ZBTB16: variants seen among roughly 807,000 people sequenced by gnomAD.
ZBTB16 encodes the protein zinc finger and BTB domain-containing protein 16.
Under a neutral mutation model 56.8 loss-of-function variants are expected in ZBTB16, and 8 were observed. That is an observed-to-expected ratio of 0.14 (90% CI 0.08 to 0.25). The LOEUF is 0.25. ZBTB16 is among the 10% of genes least tolerant of loss of function. The probability of loss-of-function intolerance (pLI) is 1.00; values close to 1 mark genes in which losing one functional copy is unlikely to be tolerated. For missense variants in ZBTB16, 625 were observed against 903.0 expected, an observed-to-expected ratio of 0.69 and a Z score of 3.95; for synonymous variants, 363 against 368.5, an observed-to-expected ratio of 0.98 and a Z score of 0.17.
intron 2 of ZBTB16, among the ~76,000 whole-genome samples, chr11:114,102,775 G>C (rs971848595): frequency 3.9e-5 from 6 of 152,174 alleles, no homozygotes; most frequent in Non-Finnish European, 5.9e-5. Context: ...GGAGAGCCTA[G>C]AGCTATTCCA....
At chr11:114,075,545 C>T (rs985046225) in intron 2 of ZBTB16, among the ~76,000 whole-genome samples, 4 of 151,832 alleles carry the variant, frequency 2.6e-5, no homozygotes, top group African/African-American at 9.7e-5. Context: ...CAACTTCCGC[C>T]TCCTGGGTCC....
intron 3 of ZBTB16, among the ~76,000 whole-genome samples, chr11:114,176,118 TGA>T (rs979771371): frequency 1.3e-5 from 2 of 151,940 alleles, no homozygotes; most frequent in Non-Finnish European, 2.9e-5. Context: ...TAGATGAGGA[TGA>T]GAGGAGACCG....
At chr11:114,176,559 C>T (rs545864541) in intron 3 of ZBTB16, among the ~76,000 whole-genome samples, 11 of 152,240 alleles carry the variant, frequency 7.2e-5, no homozygotes, top group African/African-American at 2.4e-4. Context: ...CTGGCTGAAC[C>T]GGGGAACCCA....
At chr11:114,133,717 G>T (rs1402449595) in intron 2 of ZBTB16, among the ~76,000 whole-genome samples, 1 of 152,112 alleles carries the variant, frequency 6.6e-6, no homozygotes, top group Non-Finnish European at 1.5e-5. Flanking sequence ...GGGTCTCCTG[G>T]CAGGTCAGCA....
intron 4 of ZBTB16, among the ~76,000 whole-genome samples, chr11:114,199,590 G>A (rs900023727): frequency 1.3e-5 from 2 of 152,236 alleles, no homozygotes; most frequent in African/African-American, 4.8e-5. Flanking sequence ...GGAGAACTAG[G>A]TTCTTATCCT....
intron 2 of ZBTB16, among the ~76,000 whole-genome samples, chr11:114,154,041 A>G (rs1420831258): frequency 6.6e-6 from 1 of 152,170 alleles, no homozygotes; most frequent in African/African-American, 2.4e-5. Flanking sequence ...AGCCACTTCC[A>G]CCAACTGCCA....
chr11:114,072,749 T>C (rs912370885), intron 2 of ZBTB16, among the ~76,000 whole-genome samples: 2 of 152,134 alleles, frequency 1.3e-5, no homozygotes, highest in African/African-American at 2.4e-5. Context: ...TAGTGGACTT[T>C]TCTCTAGTAA....
At chr11:114,199,390 G>A (rs759016050) in intron 4 of ZBTB16, among the ~76,000 whole-genome samples, 7 of 152,044 alleles carry the variant, frequency 4.6e-5, no homozygotes, top group East Asian at 1.9e-4. Flanking sequence ...GCTGGGCCCC[G>A]GGACGGGGAT....
chr11:114,208,700 T>G (rs1298094674), intron 4 of ZBTB16, among the ~76,000 whole-genome samples: 1 of 152,196 alleles, frequency 6.6e-6, no homozygotes, highest in Non-Finnish European at 1.5e-5. Context: ...ATCTTGCACC[T>G]ACCTTGCTTT....
intron 2 of ZBTB16, among the ~76,000 whole-genome samples, chr11:114,106,306 G>T (rs536551058): frequency 5.9e-5 from 9 of 152,230 alleles, no homozygotes; most frequent in Non-Finnish European, 7.4e-5. Flanking sequence ...TCTTTTGGGG[G>T]TCACTGTGGC....
intron 2 of ZBTB16, among the ~76,000 whole-genome samples, chr11:114,097,523 G>GA (rs1416576601): frequency 5.3e-5 from 8 of 152,132 alleles, no homozygotes; most frequent in Admixed American, 2.6e-4. Flanking sequence ...TGGCATTTGA[G>GA]AAAAAATTCT....
chr11:114,250,632 C>T lies in ZBTB16; in HGVS notation c.*77C>T. ...GAGTGAGATGAAGGAAGGACTATGA[C>T]AAATAAAAAAGGAAAAGAAAAAAAA... On this transcript the variant is annotated 3_prime_UTR_variant, in exon 7 of 7. Transcript: ENST00000335953. This position sits in a 1 kb window ranked among gnomAD's most constrained non-coding sequence, Gnocchi z 6.0. 1 of 1,311,444 alleles carries T rather than the reference C, an allele frequency of 7.6e-7. No individual in the cohort carries two copies. The highest frequency in any genetic ancestry group is 1.3e-5 in the South Asian group (1 of 78,402). The allele number at this position is 1,311,444 out of a possible 1,614,324, so 81.2% of individuals were successfully genotyped here.
At chr11:114,111,900 C>T (rs1273367031) in intron 2 of ZBTB16, among the ~76,000 whole-genome samples, 1 of 152,154 alleles carries the variant, frequency 6.6e-6, no homozygotes, top group Non-Finnish European at 1.5e-5. Flanking sequence ...CATTCTTCCT[C>T]TTCCCCTTTT....
intron 4 of ZBTB16, among the ~76,000 whole-genome samples, chr11:114,228,900 C>T (rs1310371728): frequency 2.0e-5 from 3 of 152,192 alleles, no homozygotes; most frequent in African/African-American, 7.2e-5. Flanking sequence ...GAATGCAGGC[C>T]TGGCGGGCGC....
At chr11:114,249,237 T>A (rs1944872246) in intron 6 of ZBTB16, among the ~76,000 whole-genome samples, 1 of 151,728 alleles carries the variant, frequency 6.6e-6, no homozygotes, top group Admixed American at 6.6e-5. Flanking sequence ...GGCAGGCAGA[T>A]CACTTGAAGT....
At position 114,153,590 on chromosome 11, in the gene ZBTB16, A is replaced by G. The variant is rs567532129; in HGVS notation, c.1269-2747A>G. Reference sequence around the variant, plus strand: ...AGCAAGTGAGTAAAGGAGGAAACTCAGGCCACTTGGATTAGATTTTAAATG... The same window carrying G: ...AGCAAGTGAGTAAAGGAGGAAACTCGGGCCACTTGGATTAGATTTTAAATG... On this transcript the variant is annotated intron_variant, in intron 2 of 6. Coordinates refer to ENST00000335953, the MANE Select transcript of ZBTB16 (RefSeq NM_006006.6). Among the ~76,000 whole-genome samples, 12 of 152,346 alleles carry G rather than the reference A, an allele frequency of 7.9e-5. No homozygotes were observed. The East Asian group carries it at 2.3e-3, about 29-fold the overall frequency.
intron 4 of ZBTB16, among the ~76,000 whole-genome samples, chr11:114,225,394 G>T (rs561269693): frequency 2.0e-5 from 3 of 152,156 alleles, no homozygotes; most frequent in Admixed American, 6.5e-5. Context: ...TGCTGCTGTA[G>T]CAGAATGCCT....
chr11:114,101,379 C>T (rs965115278), intron 2 of ZBTB16, among the ~76,000 whole-genome samples: 5 of 152,174 alleles, frequency 3.3e-5, no homozygotes, highest in Admixed American at 1.3e-4. Context: ...AATACCCACT[C>T]ATTTATGATC....
intron 2 of ZBTB16, among the ~76,000 whole-genome samples, chr11:114,124,887 A>C (rs1941462461): frequency 6.6e-6 from 1 of 152,226 alleles, no homozygotes; most frequent in Non-Finnish European, 1.5e-5. Context: ...ATGAGCAAGA[A>C]GAGAAGCAGT....
Sources: allele counts gnomAD v4.1 joint callset (sites outside exome capture counted in the v4.1 genomes callset), GRCh38; gene constraint gnomAD v4.1.1; non-coding constraint Gnocchi (gnomAD v3.1); transcripts MANE v1.5; gene names NCBI Gene and HGNC (gene_info 2026-07-23, HGNC 2026-07-21).